The following KIF5A variants were observed in gnomAD, a reference collection of about 807,000 sequenced individuals.
KIF5A encodes kinesin heavy chain isoform 5A.
Under a neutral mutation model 141.3 loss-of-function variants are expected in KIF5A, and 35 were observed. The ratio of observed to expected loss-of-function variants is 0.25; its 90% CI spans 0.19 to 0.33. The LOEUF (loss-of-function observed/expected upper bound fraction) is 0.33, where lower values mean the gene tolerates loss of function less well. KIF5A is among the 10% of genes least tolerant of loss of function. The pLI, the probability that KIF5A is intolerant of heterozygous loss-of-function variation, is 1.00. For missense variants in KIF5A, 861 were observed against 1,314.3 expected, an observed-to-expected ratio of 0.66 and a Z score of 5.33; for synonymous variants, 448 against 500.2, an observed-to-expected ratio of 0.90 and a Z score of 1.39.
chr12:57,576,779 G>C lies in KIF5A; in HGVS notation c.2217G>C (p.Gln739His), dbSNP rs755813386. The C allele has an allele frequency of 1.9e-6, 3 of 1,613,154 alleles. No individual in the cohort carries two copies. The African/African-American group carries it at 4.0e-5, about 22-fold the overall frequency. ...DELKDLNQKL[Q>H]LELEKLQADY... ...TCTGTAGCCTAAATCAGAAGCTCCAGTTAGAGCTAGAGAAGCTTCAGGCTG... is the reference window on the plus strand; with the variant it reads ...TCTGTAGCCTAAATCAGAAGCTCCACTTAGAGCTAGAGAAGCTTCAGGCTG... The change falls in exon 20 of 29, where the codon CAG becomes CAC. Residue 739 changes from glutamine (Q) to histidine (H), a missense_variant. Coordinates refer to ENST00000455537, the MANE Select transcript of KIF5A (RefSeq NM_004984.4).
chr12:57,585,998 C>T lies in KIF5A; in HGVS notation c.*1817C>T, dbSNP rs945615601. 3.3e-5 allele frequency: 5 copies of T among 149,472 alleles called. No individual in the cohort carries two copies. The highest frequency in any genetic ancestry group is 4.2e-4 in the South Asian group (2 of 4,732). The allele number at this position is 149,472 out of a possible 1,614,324, so 9.3% of individuals were successfully genotyped here. On this transcript the variant is annotated 3_prime_UTR_variant, in exon 29 of 29. Transcript: ENST00000455537. Reference sequence around the variant, plus strand: ...TCAAAGGCTCCTCAGCAAATGAGCCCTTGAACAGTCCTAAGAGACCCTGAG... The same window carrying T: ...TCAAAGGCTCCTCAGCAAATGAGCCTTTGAACAGTCCTAAGAGACCCTGAG...
intron 19 of KIF5A, 65 bp from the exon 20 acceptor site, chr12:57,576,696 G>A (rs969703696): frequency 4.3e-6 from 5 of 1,175,794 alleles, no homozygotes; most frequent in South Asian, 3.7e-5. Context: ...TTGAAGAGCT[G>A]GCCTTCCCTT....
Position 57,573,000 on chromosome 12 carries a change from C to T in KIF5A, c.1716+274C>T, listed in dbSNP as rs780598848. On this transcript the variant is annotated intron_variant, in intron 15 of 28. Coordinates refer to ENST00000455537, the MANE Select transcript of KIF5A (RefSeq NM_004984.4). This position sits in a 1 kb window ranked among gnomAD's most constrained non-coding sequence, Gnocchi z 4.2. ...AGGTCAGGAGTTCGAGACCTGACCT[C>T]GCCAACATGGCGAAACCCTGTCTCT... Among the ~76,000 whole-genome samples the T allele has an allele frequency of 9.2e-5, 14 of 151,844 alleles. No homozygotes were observed. Among genetic ancestry groups the T allele is most frequent in the Non-Finnish European group, 1.8e-4 (12 of 67,938 alleles).
chr12:57,568,072 G>A (rs1482594541), intron 8 of KIF5A, among the ~76,000 whole-genome samples: 5 of 151,922 alleles, frequency 3.3e-5, no homozygotes, highest in Admixed American at 1.3e-4. Flanking sequence ...TAGTAGAGAC[G>A]GGGTTTCACC....
chr12:57,556,473 T>C (rs1360126387), intron 1 of KIF5A, among the ~76,000 whole-genome samples: 1 of 151,968 alleles, frequency 6.6e-6, no homozygotes, highest in Non-Finnish European at 1.5e-5. Context: ...GATCTGAGAA[T>C]CTCTTCCTTC....
At chr12:57,568,620 G>C (rs1882144316) in intron 8 of KIF5A, among the ~76,000 whole-genome samples, 1 of 152,166 alleles carries the variant, frequency 6.6e-6, no homozygotes, top group Admixed American at 6.5e-5. Flanking sequence ...AGCTGCTCAG[G>C]AGGCTGAGGC....
In KIF5A at chr12:57,564,488, A is replaced by G. The variant is rs758987045; in HGVS notation, c.425A>G (p.Lys142Arg). ...TCTTACTTTGAAATTTACCTGGACA[A>G]AATTCGTGACCTTCTGGATGGTGAG... ...KVSYFEIYLD[K>R]IRDLLDVTKT... is the part of the protein sequence containing the mutation. Residue 142 changes from lysine (K) to arginine (R), a missense_variant, in exon 5 of 29, where the codon AAA becomes AGA. By Grantham distance (26) the Lys-to-Arg change is conservative. Transcript: ENST00000455537. 5 of 1,612,944 alleles carry G rather than the reference A, an allele frequency of 3.1e-6. No homozygotes were observed. The African/African-American group carries it at 6.7e-5, about 22-fold the overall frequency.
Position 57,583,138 on chromosome 12 carries a change from G to T in KIF5A, c.3058G>T (p.Ala1020Ser). ...GTGTGGCTATGAGGCTGAGGACCAGGCCAAGCTTTTCCCTCTCCACCAAGA... is the reference window on the plus strand; with the variant it reads ...GTGTGGCTATGAGGCTGAGGACCAGTCCAAGCTTTTCCCTCTCCACCAAGA... ...LPCGYEAEDQ[A>S]KLFPLHQETA... The change falls in exon 28 of 29, where the codon GCC (alanine) becomes TCC (serine). Residue 1020 changes from alanine to serine, a missense_variant. Coordinates refer to ENST00000455537, the MANE Select transcript of KIF5A (RefSeq NM_004984.4). 1 of 1,613,966 alleles carries T rather than the reference G, an allele frequency of 6.2e-7. No individual in the cohort carries two copies. The highest frequency in any genetic ancestry group is 8.5e-7 in the Non-Finnish European group (1 of 1,179,990).
intron 1 of KIF5A, among the ~76,000 whole-genome samples, chr12:57,555,680 G>A (rs187856449): frequency 2.0e-5 from 3 of 152,106 alleles, no homozygotes; most frequent in Admixed American, 1.3e-4. Context: ...GGAGACAGAG[G>A]CGGGTGGATA....
At chr12:57,577,665 G>A (rs532684643) in intron 20 of KIF5A, 48 bp from the exon 21 acceptor site, 1 of 1,391,248 alleles carries the variant, frequency 7.2e-7, no homozygotes, top group Non-Finnish European at 1.0e-6. Flanking sequence ...GCAGGAGGAA[G>A]GAGAGTCCTG....
In KIF5A at chr12:57,576,308, C is replaced by T; in HGVS notation, c.2128C>T (p.His710Tyr). ...ELQMESHREAHHRQLARLRDE... is the reference protein window; with the variant it reads ...ELQMESHREAYHRQLARLRDE... The stretch of plus-strand genomic sequence containing the variant: ...GCAGATGGAGAGTCACCGGGAGGCC[C>T]ATCACCGGCAGCTGGCCCGGCTCCG... The change falls in exon 19 of 29, where the codon CAT becomes TAT. Residue 710 changes from histidine to tyrosine, a missense_variant. This residue lies in a region of KIF5A where 482 missense variants were observed against 661.3 expected (regional missense o/e 0.73). Coordinates refer to ENST00000455537, the MANE Select transcript of KIF5A (RefSeq NM_004984.4). The T allele has an allele frequency of 6.2e-7, 1 of 1,614,020 alleles. No individual in the cohort carries two copies. The highest frequency in any genetic ancestry group is 8.5e-7 in the Non-Finnish European group (1 of 1,179,956).
intron 1 of KIF5A, among the ~76,000 whole-genome samples, chr12:57,562,759 G>T (rs537388122): frequency 6.6e-6 from 1 of 152,304 alleles, no homozygotes; most frequent in East Asian, 1.9e-4. Flanking sequence ...TGTTGAGGAA[G>T]ATATTTCTAG....
At chr12:57,563,248 G>A (rs1425883064) in intron 1 of KIF5A, among the ~76,000 whole-genome samples, 191 bp from the exon 2 acceptor site, 2 of 151,872 alleles carry the variant, frequency 1.3e-5, no homozygotes, top group African/African-American at 2.4e-5. Context: ...CTCGTGATCC[G>A]CCTGCCTCAG....
intron 7 of KIF5A, 63 bp downstream of exon 7, chr12:57,567,276 G>T (rs562930188): frequency 6.4e-6 from 9 of 1,409,578 alleles, no homozygotes; most frequent in Admixed American, 5.0e-5. Flanking sequence ...GTGTCCTCTG[G>T]GGTGGAGGGA....
chr12:57,577,965 G>A, intron 21 of KIF5A, 44 bp from the exon 22 acceptor site: 1 of 1,488,804 alleles, frequency 6.7e-7, no homozygotes, highest in Non-Finnish European at 9.4e-7. Flanking sequence ...GAATAGGACA[G>A]ACCTGGTATC....
intron 1 of KIF5A, among the ~76,000 whole-genome samples, chr12:57,560,901 G>C (rs11172248): frequency 6.6e-6 from 1 of 152,140 alleles, no homozygotes; most frequent in Admixed American, 6.6e-5. Flanking sequence ...TACTTGGGAG[G>C]ATTGCTTGGG....
chr12:57,553,964 C>G lies in KIF5A; in HGVS notation c.129+3564C>G, dbSNP rs535874668. On this transcript the variant is annotated intron_variant, in intron 1 of 28. Coordinates refer to ENST00000455537, the MANE Select transcript of KIF5A (RefSeq NM_004984.4). ...TAACAACTCACAGAGTCTTCGATTA[C>G]CTGGAGGTAGAGAGGGTGGGTGGCA... Among the ~76,000 whole-genome samples, 5 of 152,134 alleles carry G rather than the reference C, an allele frequency of 3.3e-5. No homozygotes were observed. In the East Asian group the frequency reaches 9.6e-4, roughly 29 times the overall value.
chr12:57,583,130 A>G lies in KIF5A; in HGVS notation c.3050A>G (p.Glu1017Gly), dbSNP rs1485170378. The G allele has an allele frequency of 2.5e-6, 4 of 1,613,868 alleles. No homozygotes were observed. Among genetic ancestry groups the G allele is most frequent in the Non-Finnish European group, 2.5e-6 (3 of 1,180,002 alleles). ...RSDLPCGYEA[E>G]DQAKLFPLHQ... ...GACCTGCCGTGTGGCTATGAGGCTG[A>G]GGACCAGGCCAAGCTTTTCCCTCTC... Residue 1017 changes from glutamate (E) to glycine (G), a missense_variant, in exon 28 of 29, where the codon GAG (glutamate) becomes GGG (glycine). Glu to Gly is a moderately conservative substitution (Grantham distance 98, BLOSUM62 -2). Around this residue, in one of 5 missense-constraint regions of KIF5A, gnomAD observed 482 missense variants for 661.3 expected, o/e 0.73. Coordinates refer to ENST00000455537, the MANE Select transcript of KIF5A (RefSeq NM_004984.4).
At chr12:57,560,497 T>C (rs948107998) in intron 1 of KIF5A, among the ~76,000 whole-genome samples, 1 of 151,758 alleles carries the variant, frequency 6.6e-6, no homozygotes, top group African/African-American at 2.4e-5. Flanking sequence ...TTCTCATTTT[T>C]TTGAACCCAC....
Sources: gnomAD v4.1 joint callset for allele counts (sites outside exome capture counted in the v4.1 genomes callset) on GRCh38, gnomAD v4.1.1 for gene constraint, gnomAD v4.1.1 regional missense constraint, Gnocchi (gnomAD v3.1) non-coding constraint, MANE v1.5 for transcripts, NCBI Gene and HGNC (gene_info 2026-07-23, HGNC 2026-07-21) for gene names.